GRM8: variants seen among roughly 807,000 people sequenced by gnomAD.
The protein encoded by GRM8 is metabotropic glutamate receptor 8.
In GRM8, 47 loss-of-function variants were observed where a neutral mutation model predicts 87.2. The ratio of observed to expected loss-of-function variants is 0.54; its 90% confidence interval spans 0.43 to 0.69. The LOEUF (loss-of-function observed/expected upper bound fraction) is 0.69, where lower values mean the gene tolerates loss of function less well. GRM8 is among the 30% of genes least tolerant of loss of function. GRM8 has a pLI of 0.00. For synonymous variants in GRM8, 396 were observed against 404.5 expected (o/e 0.98, Z 0.25); for missense variants, 1,019 against 1,139.2 (o/e 0.89, Z 1.52).
At chr7:126,693,062 A>T (rs4302786) in intron 7 of GRM8, among the ~76,000 whole-genome samples, 150,889 of 152,304 alleles carry the variant, frequency 0.99, 74,748 homozygotes, top group Middle Eastern at 1. Flanking sequence ...GTGAATAACA[A>T]ACTAATCGCC....
intron 3 of GRM8, among the ~76,000 whole-genome samples, chr7:127,009,022 A>G (rs373689452): frequency 2.0e-5 from 3 of 152,044 alleles, no homozygotes; most frequent in East Asian, 3.9e-4. Context: ...TTGCCAGGCT[A>G]TGTTGAGCCA....
At chr7:127,174,076 C>T (rs1793960787) in intron 2 of GRM8, among the ~76,000 whole-genome samples, 1 of 152,148 alleles carries the variant, frequency 6.6e-6, no homozygotes, top group Non-Finnish European at 1.5e-5. Flanking sequence ...CACACACACG[C>T]ACCCCTAGAC....
intron 3 of GRM8, among the ~76,000 whole-genome samples, chr7:126,995,979 T>C (rs1469290966): frequency 6.6e-6 from 1 of 151,972 alleles, no homozygotes; most frequent in Non-Finnish European, 1.5e-5. Context: ...ACACACACAA[T>C]AGAACTTTAA....
chr7:126,468,612 T>C (rs1337079721), intron 9 of GRM8, among the ~76,000 whole-genome samples: 1 of 152,138 alleles, frequency 6.6e-6, no homozygotes, highest in African/African-American at 2.4e-5. Flanking sequence ...TCATTGCCAT[T>C]AAAAGCATTG....
intron 3 of GRM8, among the ~76,000 whole-genome samples, chr7:126,944,814 C>G (rs758872004): frequency 5.3e-5 from 8 of 152,052 alleles, no homozygotes; most frequent in Non-Finnish European, 8.8e-5. Context: ...TAAAAATGAA[C>G]AAAGGATATA....
chr7:126,733,552 AAAATT>A (rs1471133036), intron 7 of GRM8, among the ~76,000 whole-genome samples: 1 of 151,340 alleles, frequency 6.6e-6, no homozygotes, highest in East Asian at 1.9e-4. Context: ...AATATTAAGT[AAAATT>A]AAATCTAATA....
chr7:126,587,040 A>G (rs1202758907), intron 8 of GRM8, among the ~76,000 whole-genome samples: 4 of 152,266 alleles, frequency 2.6e-5, no homozygotes, highest in African/African-American at 9.6e-5. Flanking sequence ...ACATCTCAAA[A>G]GAACACATTT....
intron 6 of GRM8, among the ~76,000 whole-genome samples, chr7:126,798,335 A>T (rs888813185): frequency 1.3e-5 from 2 of 152,144 alleles, no homozygotes; most frequent in Admixed American, 1.3e-4. Flanking sequence ...AAAATTACAG[A>T]TCCAGATGAA....
chr7:126,700,011 C>G (rs1199301246), intron 7 of GRM8, among the ~76,000 whole-genome samples: 1 of 152,086 alleles, frequency 6.6e-6, no homozygotes, highest in Non-Finnish European at 1.5e-5. Context: ...AGGATGTTAA[C>G]TGATATTGGG....
chr7:126,453,269 C>G (rs1040425038), intron 9 of GRM8, among the ~76,000 whole-genome samples: 3 of 151,786 alleles, frequency 2.0e-5, no homozygotes, highest in African/African-American at 7.2e-5. Context: ...CACAGTGCTG[C>G]TGACCCAGCA....
intron 6 of GRM8, among the ~76,000 whole-genome samples, chr7:126,852,781 T>C (rs575480243): frequency 6.6e-6 from 1 of 152,130 alleles, no homozygotes; most frequent in Non-Finnish European, 1.5e-5. Flanking sequence ...TATACTTTCA[T>C]ATATTTATAT....
intron 6 of GRM8, among the ~76,000 whole-genome samples, chr7:126,842,611 T>C (rs1796379561): frequency 1.3e-5 from 2 of 152,136 alleles, no homozygotes; most frequent in African/African-American, 2.4e-5. Context: ...CCCTGGATTA[T>C]CTCAGAAGGC....
At chr7:126,550,448 A>C (rs1186430074) in intron 8 of GRM8, among the ~76,000 whole-genome samples, 2 of 152,168 alleles carry the variant, frequency 1.3e-5, no homozygotes, top group Non-Finnish European at 2.9e-5. Flanking sequence ...TAAATTTCTT[A>C]ATAGATTAAA....
At chr7:126,771,239 C>G (rs1585867126) in intron 6 of GRM8, among the ~76,000 whole-genome samples, 1 of 152,154 alleles carries the variant, frequency 6.6e-6, no homozygotes, top group African/African-American at 2.4e-5. Context: ...TGTATATTTA[C>G]ACTCTGAAAA....
chr7:127,050,293 T>C (rs1283735934), intron 3 of GRM8, among the ~76,000 whole-genome samples: 3 of 152,112 alleles, frequency 2.0e-5, no homozygotes, highest in Non-Finnish European at 4.4e-5. Context: ...CAGCAGGAGC[T>C]GATAAGGAGC....
intron 2 of GRM8, among the ~76,000 whole-genome samples, chr7:127,224,021 T>C (rs1797150237): frequency 6.9e-6 from 1 of 145,394 alleles, no homozygotes; most frequent in Non-Finnish European, 1.5e-5. Context: ...CCATAAACAA[T>C]CAAAATAAAT....
chr7:127,020,497 TCTGA>T (rs1490079867), intron 3 of GRM8, among the ~76,000 whole-genome samples: 1 of 152,092 alleles, frequency 6.6e-6, no homozygotes. Flanking sequence ...GAGTTGTCTT[TCTGA>T]CTATTTCACT....
intron 3 of GRM8, among the ~76,000 whole-genome samples, chr7:126,990,820 C>A (rs578089075): frequency 6.6e-6 from 1 of 152,156 alleles, no homozygotes; most frequent in Middle Eastern, 3.2e-3. Context: ...TTCTCTCAAA[C>A]ATTAAAAGCA....
At chr7:126,471,096 T>G (rs1805151498) in intron 9 of GRM8, among the ~76,000 whole-genome samples, 1 of 152,042 alleles carries the variant, frequency 6.6e-6, no homozygotes, top group Non-Finnish European at 1.5e-5. Context: ...ATTAGCCCTT[T>G]GTCAGATGAG....
Sources: allele counts gnomAD v4.1 joint callset (sites outside exome capture counted in the v4.1 genomes callset), GRCh38; gene constraint gnomAD v4.1.1; transcripts MANE v1.5; gene names NCBI Gene and HGNC (gene_info 2026-07-23, HGNC 2026-07-21).